The following ZC3H12B variants were observed in gnomAD, a reference collection of about 807,000 sequenced individuals.
ZC3H12B encodes the protein zinc finger CCCH-type containing 12B, also known as probable ribonuclease ZC3H12B.
A neutral mutation model predicts 43.9 loss-of-function variants in ZC3H12B; 7 were observed. The ratio of observed to expected loss-of-function variants is 0.16; its 90% CI spans 0.09 to 0.30. The LOEUF is 0.30. Among genes scored for constraint, ZC3H12B ranks in the 10% least tolerant of loss-of-function variants. ZC3H12B has a pLI of 1.00. For missense variants in ZC3H12B, 475 were observed against 670.2 expected (o/e 0.71, Z 3.22); for synonymous variants, 222 against 241.7 (o/e 0.92, Z 0.76).
intron 2 of ZC3H12B, among the ~76,000 whole-genome samples, chrX:65,378,784 G>A (rs1406933897): frequency 1.8e-5 from 2 of 112,822 alleles, no homozygotes; most frequent in Non-Finnish European, 3.8e-5. Flanking sequence ...GTGAGGCATT[G>A]CCTCACTCGG....
At position 65,498,148 on chromosome X, in the gene ZC3H12B, G is replaced by C. The variant is rs111228959; in HGVS notation, c.749-851G>C. ...TTGAACTCCTGGGCTCAAGCTATCT[G>C]CCCGCCTCAGCCTCCCAAAGTGCTA... On this transcript the variant is annotated intron_variant, in intron 2 of 4. Coordinates refer to ENST00000338957, the Ensembl canonical transcript of ZC3H12B. Among the ~76,000 whole-genome samples the C allele has an allele frequency of 9.5e-3, 1,060 of 111,489 alleles. 14 individuals carry two copies. Among genetic ancestry groups the C allele is most frequent in the African/African-American group, 0.033 (1,009 of 30,636 alleles).
chrX:65,142,288 C>G, the ZC3H12B span, among the ~76,000 whole-genome samples: 1 of 112,051 alleles, frequency 8.9e-6, no homozygotes, highest in African/African-American at 3.2e-5. Flanking sequence ...TACTTGGTGG[C>G]TATTTGTACA....
chrX:65,461,662 T>C (rs757751949), intron 3 of ZC3H12B, among the ~76,000 whole-genome samples: 1 of 110,711 alleles, frequency 9.0e-6, no homozygotes, highest in Non-Finnish European at 1.9e-5. Context: ...TGAGAACACA[T>C]GGACACAGGA....
chrX:65,343,785 C>T, the ZC3H12B span, among the ~76,000 whole-genome samples: 1 of 111,797 alleles, frequency 8.9e-6, no homozygotes, highest in East Asian at 2.8e-4. Flanking sequence ...TGCCCTCTGT[C>T]ATCACTCCTA....
At chrX:65,336,315 C>A in the ZC3H12B span, among the ~76,000 whole-genome samples, 1 of 109,236 alleles carries the variant, frequency 9.2e-6, no homozygotes. Flanking sequence ...GCGACCCTGG[C>A]AACCCAGCCC....
the ZC3H12B span, among the ~76,000 whole-genome samples, chrX:65,192,148 A>G: frequency 1.1e-3 from 121 of 109,464 alleles, no homozygotes; most frequent in African/African-American, 3.7e-3. Context: ...TAGTTTGATT[A>G]CACTGTGGTC....
the ZC3H12B span, among the ~76,000 whole-genome samples, chrX:65,295,817 A>T: frequency 1.5e-4 from 17 of 111,381 alleles, no homozygotes; most frequent in Non-Finnish European, 2.8e-4. Flanking sequence ...AGATAGATAA[A>T]TTCCTGGAAA....
At chrX:65,110,755 A>G in the ZC3H12B span, among the ~76,000 whole-genome samples, 3 of 111,666 alleles carry the variant, frequency 2.7e-5, 1 homozygote, top group Admixed American at 9.5e-5. Context: ...AATCTTGTCT[A>G]TATCTACCAA....
the ZC3H12B span, among the ~76,000 whole-genome samples, chrX:65,160,449 G>T: frequency 1.8e-5 from 2 of 111,653 alleles, no homozygotes; most frequent in South Asian, 3.7e-4. Flanking sequence ...GCCTGTTATT[G>T]GTCTATTCAG....
chrX:65,105,103 G>A, the ZC3H12B span, among the ~76,000 whole-genome samples: 4 of 111,252 alleles, frequency 3.6e-5, no homozygotes, highest in South Asian at 1.5e-3. Flanking sequence ...GTCCTTTGCA[G>A]GGATATGGAT....
At chrX:65,466,316 G>T (rs2067816938) in intron 3 of ZC3H12B, among the ~76,000 whole-genome samples, 1 of 110,396 alleles carries the variant, frequency 9.1e-6, no homozygotes, top group Non-Finnish European at 1.9e-5. Context: ...CATCCAAGTT[G>T]TCACAAATAG....
At chrX:65,353,412 A>T in the ZC3H12B span, among the ~76,000 whole-genome samples, 1 of 111,624 alleles carries the variant, frequency 9.0e-6, no homozygotes, top group Non-Finnish European at 1.9e-5. Flanking sequence ...TGAAAGGAAG[A>T]GTCAGTCGCA....
the ZC3H12B span, among the ~76,000 whole-genome samples, chrX:65,181,030 G>A: frequency 4.5e-5 from 5 of 111,253 alleles, no homozygotes; most frequent in Admixed American, 4.8e-4. Flanking sequence ...AACCAAAACA[G>A]CATGGTACTG....
At chrX:65,134,489 C>CAGGGAGATTGAAGGGTAGCAAAAG in the ZC3H12B span, among the ~76,000 whole-genome samples, 1 of 111,598 alleles carries the variant, frequency 9.0e-6, no homozygotes, top group Non-Finnish European at 1.9e-5. Context: ...ATTGGAAGGA[C>CAGGGAGATTGAAGGGTAGCAAAAG]AGGGAGATTG....
chrX:65,145,419 A>G, the ZC3H12B span, among the ~76,000 whole-genome samples: 2 of 111,357 alleles, frequency 1.8e-5, no homozygotes, highest in Non-Finnish European at 3.8e-5. Flanking sequence ...ATTGTTATCC[A>G]TTCTGCAATT....
the ZC3H12B span, among the ~76,000 whole-genome samples, chrX:65,156,147 A>C: frequency 9.0e-6 from 1 of 110,771 alleles, no homozygotes; most frequent in Non-Finnish European, 1.9e-5. Flanking sequence ...CCTTGTAGGC[A>C]TGTACCTTTT....
At chrX:65,372,197 T>A (rs1569378468) in intron 2 of ZC3H12B, among the ~76,000 whole-genome samples, 1 of 112,178 alleles carries the variant, frequency 8.9e-6, no homozygotes, top group Non-Finnish European at 1.9e-5. Context: ...TATTAGCATG[T>A]TGAAATTTTA....
At chrX:65,386,701 T>G (rs903114686) in intron 2 of ZC3H12B, among the ~76,000 whole-genome samples, 1 of 111,599 alleles carries the variant, frequency 9.0e-6, no homozygotes, top group Non-Finnish European at 1.9e-5. Context: ...TTGAACGTGT[T>G]TGCTCTTGCT....
At chrX:65,257,036 A>T in the ZC3H12B span, among the ~76,000 whole-genome samples, 9,090 of 111,845 alleles carry the variant, frequency 0.081, 1,017 homozygotes, top group African/African-American at 0.29. Flanking sequence ...ATTGTGGAAG[A>T]CAGTGTGGTG....
Sources: gnomAD v4.1 joint callset for allele counts (sites outside exome capture counted in the v4.1 genomes callset) on GRCh38, gnomAD v4.1.1 for gene constraint, MANE v1.5 for transcripts, NCBI Gene and HGNC (gene_info 2026-07-23, HGNC 2026-07-21) for gene names.